MYO1B: variants seen among roughly 807,000 people sequenced by gnomAD.
MYO1B encodes the protein unconventional myosin-Ib.
In MYO1B, 72 loss-of-function variants were observed where a neutral mutation model predicts 159.7. That is an observed-to-expected ratio of 0.45 (90% CI 0.37 to 0.55). MYO1B has a LOEUF of 0.55. Among genes scored for constraint, MYO1B ranks in the 20% least tolerant of loss-of-function variants. The pLI is 0.00. For missense variants in MYO1B, 1,062 were observed against 1,364.8 expected (o/e 0.78, Z 3.50); for synonymous variants, 468 against 473.8 (o/e 0.99, Z 0.16).
At chr2:191,332,873 C>T (rs1691581889) in intron 4 of MYO1B, among the ~76,000 whole-genome samples, 1 of 152,150 alleles carries the variant, frequency 6.6e-6, no homozygotes, top group African/African-American at 2.4e-5. Context: ...TGGTAAGTCT[C>T]CTTCAACTAG....
intron 11 of MYO1B, 128 bp from the exon 12 acceptor site, chr2:191,369,414 A>G: frequency 1.5e-6 from 1 of 679,046 alleles, no homozygotes; most frequent in Non-Finnish European, 2.4e-6. Context: ...TGATACAAGA[A>G]AACTGGTTCT....
chr2:191,256,147 C>G (rs974670563), intron 1 of MYO1B, among the ~76,000 whole-genome samples: 2 of 152,144 alleles, frequency 1.3e-5, no homozygotes, highest in African/African-American at 4.8e-5. Flanking sequence ...CATGACTGAG[C>G]TTAGTTGAGA....
At chr2:191,405,919 A>T (rs772257265) in intron 24 of MYO1B, among the ~76,000 whole-genome samples, 1 of 152,228 alleles carries the variant, frequency 6.6e-6, no homozygotes, top group Non-Finnish European at 1.5e-5. Flanking sequence ...AAGAGAATCA[A>T]CCTGTCCTTT....
At chr2:191,400,899 A>T in intron 23 of MYO1B, 64 bp downstream of exon 23, 1 of 1,483,406 alleles carries the variant, frequency 6.7e-7, no homozygotes, top group African/African-American at 1.4e-5. Context: ...CCTTACCTCT[A>T]GCCTATTAGG....
At chr2:191,341,355 AC>A in intron 4 of MYO1B, 105 bp from the exon 5 acceptor site, 1 of 788,048 alleles carries the variant, frequency 1.3e-6, no homozygotes, top group Non-Finnish European at 2.1e-6. Context: ...AGGAATAAAG[AC>A]ATTTGAAAAT....
chr2:191,408,621 G>A (rs1697073791), intron 25 of MYO1B, among the ~76,000 whole-genome samples: 1 of 152,180 alleles, frequency 6.6e-6, no homozygotes, highest in African/African-American at 2.4e-5. Flanking sequence ...AGAGGTGTAT[G>A]TAGTGCTGAA....
chr2:191,289,070 C>G (rs1157324725), intron 2 of MYO1B, among the ~76,000 whole-genome samples: 1 of 152,190 alleles, frequency 6.6e-6, no homozygotes, highest in African/African-American at 2.4e-5. Flanking sequence ...TGAATCTTTT[C>G]TGGTGAGAGC....
chr2:191,255,251 A>G (rs1686367625), intron 1 of MYO1B, among the ~76,000 whole-genome samples: 1 of 152,204 alleles, frequency 6.6e-6, no homozygotes, highest in African/African-American at 2.4e-5. Context: ...TTAATGTTGA[A>G]CAAAACAGAT....
chr2:191,370,155 C>T, intron 12 of MYO1B, 72 bp from the exon 13 acceptor site: 3 of 935,582 alleles, frequency 3.2e-6, no homozygotes, highest in Non-Finnish European at 3.4e-6. Flanking sequence ...TAATATATAT[C>T]TATGTTCCTT....
Position 191,402,630 on chromosome 2 carries a change from AG to A in MYO1B, c.2470del. 6.2e-7 allele frequency: 1 copy of A among 1,613,088 alleles called. No homozygotes were observed. Among genetic ancestry groups the A allele is most frequent in the Non-Finnish European group, 8.5e-7 (1 of 1,179,442 alleles). ...TTTTATTTACTATCTAAAACATTCTAGGCTCGAAGGGAATTGAAACGCTTGA... is the reference window on the plus strand; with the variant it reads ...TTTTATTTACTATCTAAAACATTCTAGCTCGAAGGGAATTGAAACGCTTGA... On this transcript the variant is annotated splice_acceptor_variant, in intron 23 of 30. Coordinates refer to ENST00000392318, the MANE Select transcript of MYO1B (RefSeq NM_001130158.3). LOFTEE classifies it high-confidence loss of function.
In MYO1B at chr2:191,312,688, C is replaced by CT. The variant is rs571857566; in HGVS notation, c.251+16462_251+16463insT. On this transcript the variant is annotated intron_variant, in intron 3 of 30. Transcript: ENST00000392318. ...AGTTAACTTGTCAGGTAACACCATC[C>CT]AATGTATTGTGTGTGTTATAAAACA... Among the ~76,000 whole-genome samples the CT allele has an allele frequency of 3.9e-5, 6 of 152,214 alleles. No individual in the cohort carries two copies. The South Asian group carries it at 1.0e-3, about 26-fold the overall frequency.
At chr2:191,375,200 A>C (rs1694620022) in intron 13 of MYO1B, among the ~76,000 whole-genome samples, 1 of 152,218 alleles carries the variant, frequency 6.6e-6, no homozygotes, top group Admixed American at 6.5e-5. Flanking sequence ...ATATGGTAAG[A>C]GTATGATAGG....
chr2:191,271,114 G>A (rs1313450337), intron 1 of MYO1B, among the ~76,000 whole-genome samples: 1 of 152,166 alleles, frequency 6.6e-6, no homozygotes, highest in Non-Finnish European at 1.5e-5. Flanking sequence ...CCAAAGAGCT[G>A]ATTTTCTAGA....
intron 1 of MYO1B, among the ~76,000 whole-genome samples, chr2:191,268,132 T>G (rs7586476): frequency 6.6e-6 from 1 of 152,186 alleles, no homozygotes; most frequent in Non-Finnish European, 1.5e-5. Flanking sequence ...TTGGTCTGAT[T>G]GAGCTGCTGT....
intron 7 of MYO1B, among the ~76,000 whole-genome samples, chr2:191,355,233 G>T (rs1019884980): frequency 3.9e-5 from 6 of 152,206 alleles, no homozygotes; most frequent in Admixed American, 3.9e-4. Flanking sequence ...GTCGCCAGCA[G>T]ACAACCAACC....
chr2:191,333,524 C>G (rs1474052695), intron 4 of MYO1B, among the ~76,000 whole-genome samples: 1 of 152,164 alleles, frequency 6.6e-6, no homozygotes, highest in Non-Finnish European at 1.5e-5. Flanking sequence ...ATATCTCATA[C>G]CAGGCTCTCT....
chr2:191,370,370 TTATAAG>T, intron 13 of MYO1B, 78 bp downstream of exon 13: 1 of 973,236 alleles, frequency 1.0e-6, no homozygotes, highest in Non-Finnish European at 1.6e-6. Flanking sequence ...TATGTAGACA[TTATAAG>T]TAACTGTAAC....
At chr2:191,263,915 AT>A (rs1350171462) in intron 1 of MYO1B, among the ~76,000 whole-genome samples, 1 of 152,182 alleles carries the variant, frequency 6.6e-6, no homozygotes, top group Non-Finnish European at 1.5e-5. Flanking sequence ...TAAACATTTT[AT>A]TTGTGACTTA....
intron 6 of MYO1B, among the ~76,000 whole-genome samples, chr2:191,347,655 C>A (rs1692652881): frequency 6.6e-6 from 1 of 152,162 alleles, no homozygotes; most frequent in Non-Finnish European, 1.5e-5. Context: ...CCTATTATAA[C>A]ACGGGTATTA....
Sources: gnomAD v4.1 joint callset for allele counts (sites outside exome capture counted in the v4.1 genomes callset) on GRCh38, gnomAD v4.1.1 for gene constraint, MANE v1.5 for transcripts, NCBI Gene and HGNC (gene_info 2026-07-23, HGNC 2026-07-21) for gene names.